Variants in SNX29 observed in about 807,000 individuals in gnomAD.
SNX29 encodes sorting nexin-29.
In SNX29, 78 loss-of-function variants were observed where a neutral mutation model predicts 102.1. The observed-to-expected ratio is 0.76, with a 90% CI of 0.64 to 0.92. The LOEUF is 0.92. SNX29 is among the 40% of genes least tolerant of loss of function. SNX29 has a pLI of 0.00. For missense variants in SNX29, 1,280 were observed against 1,061.7 expected, an observed-to-expected ratio of 1.21 and a Z score of -2.86; for synonymous variants, 580 against 414.5, an observed-to-expected ratio of 1.40 and a Z score of -4.85.
intron 14 of SNX29, among the ~76,000 whole-genome samples, chr16:12,205,108 A>G (rs1428338516): frequency 1.3e-5 from 2 of 152,196 alleles, no homozygotes; most frequent in Non-Finnish European, 2.9e-5. Context: ...GAAGATGGAG[A>G]GTCGTGGGCT....
rs1370619432 is a variant in SNX29, at chr16:12,573,822, A to C, written c.*5193A>C. The C allele has an allele frequency of 9.2e-6, 2 of 216,786 alleles. No homozygotes were observed. Among genetic ancestry groups the C allele is most frequent in the Non-Finnish European group, 1.9e-5 (2 of 107,852 alleles). 13.4% of individuals were successfully genotyped at this position (216,786 alleles called of 1,614,324 possible). A position where few individuals can be genotyped will look rare whatever the true frequency, so the allele number is the denominator to read the frequency against. On this transcript the variant is annotated 3_prime_UTR_variant, in exon 21 of 21. Coordinates refer to ENST00000566228, the MANE Select transcript of SNX29 (RefSeq NM_032167.5). ...AGGGGATGGGGGTAGAGCTAATTGGAATTTTTATTATCCAGGACTCATCCT... is the reference window on the plus strand; with the variant it reads ...AGGGGATGGGGGTAGAGCTAATTGGCATTTTTATTATCCAGGACTCATCCT...
chr16:12,222,402 G>A (rs367992980), intron 14 of SNX29, among the ~76,000 whole-genome samples: 1 of 152,170 alleles, frequency 6.6e-6, no homozygotes, highest in East Asian at 1.9e-4. Flanking sequence ...GACATGCATT[G>A]TTTTTATAAG....
chr16:12,284,442 T>G (rs377125242), intron 15 of SNX29, among the ~76,000 whole-genome samples: 2 of 152,170 alleles, frequency 1.3e-5, no homozygotes, highest in African/African-American at 4.8e-5. Flanking sequence ...CTGACTTTCT[T>G]TGGAGGGCTT....
intron 19 of SNX29, among the ~76,000 whole-genome samples, chr16:12,515,972 C>G (rs1485586912): frequency 6.6e-6 from 1 of 152,076 alleles, no homozygotes; most frequent in East Asian, 1.9e-4. Flanking sequence ...GCTACATGCT[C>G]CCAGAGAAAG....
intron 13 of SNX29, among the ~76,000 whole-genome samples, chr16:12,154,659 A>G (rs2055459227): frequency 6.6e-6 from 1 of 152,188 alleles, no homozygotes; most frequent in South Asian, 2.1e-4. Context: ...AAAAAGTACC[A>G]GAAACTGGGT....
chr16:12,554,692 C>T (rs1045626262), intron 20 of SNX29, among the ~76,000 whole-genome samples: 2 of 152,148 alleles, frequency 1.3e-5, no homozygotes, highest in South Asian at 2.1e-4. Context: ...TCTCAGCATC[C>T]CTGCCCATGC....
At chr16:12,561,897 CAGG>C (rs1252103374) in intron 20 of SNX29, among the ~76,000 whole-genome samples, 1 of 152,136 alleles carries the variant, frequency 6.6e-6, no homozygotes, top group Non-Finnish European at 1.5e-5. Flanking sequence ...CGTGGCATCC[CAGG>C]AGTTCCTTCT....
chr16:12,574,049 G>T lies in SNX29; in HGVS notation c.*5420G>T, dbSNP rs2079241988. On this transcript the variant is annotated 3_prime_UTR_variant, in exon 21 of 21. Coordinates refer to ENST00000566228, the MANE Select transcript of SNX29 (RefSeq NM_032167.5). ...ATATCTAGAGTCTGATAGTCTGTGT[G>T]TACATAAGGTCTAGAAGTCTGTGGA... The T allele has an allele frequency of 5.1e-6, 1 of 195,198 alleles. No homozygotes were observed. Among genetic ancestry groups the T allele is most frequent in the Non-Finnish European group, 1.1e-5 (1 of 94,032 alleles). 12.1% of individuals were successfully genotyped at this position (195,198 alleles called of 1,614,324 possible).
chr16:12,402,387 T>C (rs1001072769), intron 17 of SNX29, among the ~76,000 whole-genome samples: 2 of 152,232 alleles, frequency 1.3e-5, no homozygotes, highest in Admixed American at 1.3e-4. Context: ...TGGCGAGTTT[T>C]TATGAGCTGC....
intron 19 of SNX29, among the ~76,000 whole-genome samples, chr16:12,505,005 G>T (rs1272920436): frequency 2.0e-5 from 3 of 152,186 alleles, no homozygotes; most frequent in South Asian, 4.1e-4. Context: ...GCCGGGCACA[G>T]TGGCTCATAC....
intron 14 of SNX29, among the ~76,000 whole-genome samples, chr16:12,245,064 A>T (rs2078220768): frequency 6.6e-6 from 1 of 152,200 alleles, no homozygotes; most frequent in African/African-American, 2.4e-5. Context: ...GTGATAGAAA[A>T]CATTGATTCC....
intron 14 of SNX29, among the ~76,000 whole-genome samples, chr16:12,247,556 T>C (rs2078295427): frequency 6.6e-6 from 1 of 152,132 alleles, no homozygotes; most frequent in African/African-American, 2.4e-5. Context: ...CACCTGTGAT[T>C]GACATGGGCA....
At chr16:12,479,711 G>A (rs1190673259) in intron 19 of SNX29, among the ~76,000 whole-genome samples, 2 of 152,188 alleles carry the variant, frequency 1.3e-5, no homozygotes, top group African/African-American at 4.8e-5. Flanking sequence ...GTCCTAAAAT[G>A]TCACAAAACA....
At chr16:12,554,441 C>G (rs554624042) in intron 20 of SNX29, among the ~76,000 whole-genome samples, 12 of 152,256 alleles carry the variant, frequency 7.9e-5, no homozygotes, top group Admixed American at 7.9e-4. Context: ...TGTTTCCGCA[C>G]ACCTGCCATG....
chr16:12,031,011 G>A (rs894481473), intron 4 of SNX29, among the ~76,000 whole-genome samples: 1 of 152,032 alleles, frequency 6.6e-6, no homozygotes, highest in Non-Finnish European at 1.5e-5. Context: ...GTGGGGCAGG[G>A]CCTTCAGTGC....
At chr16:12,563,713 A>G (rs1311051880) in intron 20 of SNX29, among the ~76,000 whole-genome samples, 4 of 152,194 alleles carry the variant, frequency 2.6e-5, no homozygotes, top group African/African-American at 9.7e-5. Context: ...GAACATGAGG[A>G]AAGCCAGAGA....
intron 19 of SNX29, among the ~76,000 whole-genome samples, chr16:12,518,991 G>A (rs1015382747): frequency 6.6e-6 from 1 of 152,186 alleles, no homozygotes; most frequent in Non-Finnish European, 1.5e-5. Flanking sequence ...ATAAATCAGG[G>A]CTTGCAAATG....
intron 1 of SNX29, among the ~76,000 whole-genome samples, chr16:11,978,577 A>G (rs1004070499): frequency 6.6e-6 from 1 of 152,088 alleles, no homozygotes; most frequent in South Asian, 2.1e-4. Flanking sequence ...GTGGGGTAGG[A>G]GTGGGGTTGT....
At chr16:12,325,854 C>A (rs2081096819) in intron 15 of SNX29, among the ~76,000 whole-genome samples, 1 of 151,958 alleles carries the variant, frequency 6.6e-6, no homozygotes, top group Admixed American at 6.6e-5. Context: ...CAACAAGATC[C>A]TGTCTCTAAA....
Sources: gnomAD v4.1 joint callset for allele counts (sites outside exome capture counted in the v4.1 genomes callset) on GRCh38, gnomAD v4.1.1 for gene constraint, MANE v1.5 for transcripts, NCBI Gene and HGNC (gene_info 2026-07-23, HGNC 2026-07-21) for gene names.